Variants in TENT4A observed in about 807,000 individuals in gnomAD.
The protein encoded by TENT4A is terminal nucleotidyltransferase 4A.
Under a neutral mutation model 72.8 loss-of-function variants are expected in TENT4A, and 7 were observed. The observed-to-expected ratio is 0.10, with a 90% CI of 0.05 to 0.18. TENT4A has a LOEUF of 0.18. Among genes scored for constraint, TENT4A ranks in the 10% least tolerant of loss-of-function variants. The pLI is 1.00. For missense variants in TENT4A, 831 were observed against 1,017.7 expected (o/e 0.82, Z 2.50); for synonymous variants, 456 against 434.3 (o/e 1.05, Z -0.62).
At position 6,716,840 on chromosome 5, in the gene TENT4A, T is replaced by C. The variant is rs546028975; in HGVS notation, c.716+2141T>C. ...TACTGCAGTCATGCTCTTGGAACTT[T>C]CCTTTTCCCCTTTGCTGGAGACCTC... On this transcript the variant is annotated intron_variant, in intron 1 of 12. Transcript: ENST00000230859. Among the ~76,000 whole-genome samples, 4 of 152,326 alleles carry C rather than the reference T, an allele frequency of 2.6e-5. No individual in the cohort carries two copies. The East Asian group carries it at 7.7e-4, about 29-fold the overall frequency.
At chr5:6,740,136 G>T (rs1245337531) in intron 4 of TENT4A, among the ~76,000 whole-genome samples, 14 of 152,186 alleles carry the variant, frequency 9.2e-5, no homozygotes, top group Admixed American at 5.2e-4. Context: ...CTTGTGTTAG[G>T]ATGAATAGGA....
At chr5:6,737,758 C>A (rs1000845322) in intron 2 of TENT4A, 125 bp downstream of exon 2, 1 of 1,103,266 alleles carries the variant, frequency 9.1e-7, no homozygotes, top group East Asian at 2.7e-5. Context: ...CAGCAGTTCT[C>A]CAAGTGTGCT....
intron 12 of TENT4A, among the ~76,000 whole-genome samples, chr5:6,753,731 G>T (rs1176188836): frequency 6.6e-6 from 1 of 152,240 alleles, no homozygotes. Flanking sequence ...CTCCTCCTTT[G>T]CTTGTCTAAT....
chr5:6,726,351 T>C (rs274709), intron 1 of TENT4A, among the ~76,000 whole-genome samples: 89,743 of 151,892 alleles, frequency 0.59, 27,276 homozygotes, highest in Middle Eastern at 0.67. Flanking sequence ...ATGCTCATCA[T>C]CAGGAGGCTT....
intron 1 of TENT4A, among the ~76,000 whole-genome samples, chr5:6,729,618 G>A (rs1256818744): frequency 6.6e-6 from 1 of 152,260 alleles, no homozygotes; most frequent in East Asian, 1.9e-4. Context: ...GCACTGCCAG[G>A]CTGGGTGGCA....
At chr5:6,749,817 C>T (rs546691352) in intron 9 of TENT4A, among the ~76,000 whole-genome samples, 160 bp downstream of exon 9, 1 of 152,110 alleles carries the variant, frequency 6.6e-6, no homozygotes, top group African/African-American at 2.4e-5. Flanking sequence ...GCAGCACTGT[C>T]CAGTAGAAGC....
rs1158939557 is a variant in TENT4A, at chr5:6,756,450, A to C, written c.*1505A>C. On this transcript the variant is annotated 3_prime_UTR_variant, in exon 13 of 13. Transcript: ENST00000230859. ...TACTTATTACCATGACATCTGATGCATGTGCAGCAGTGGGGAGTTCTAGAT... is the reference window on the plus strand; with the variant it reads ...TACTTATTACCATGACATCTGATGCCTGTGCAGCAGTGGGGAGTTCTAGAT... 2 of 152,566 alleles carry C rather than the reference A, an allele frequency of 1.3e-5. No homozygotes were observed. Among genetic ancestry groups the C allele is most frequent in the Non-Finnish European group, 2.9e-5 (2 of 68,040 alleles). The allele number at this position is 152,566 out of a possible 1,614,324, so 9.5% of individuals were successfully genotyped here.
At chr5:6,730,094 CG>C (rs1232644391) in intron 1 of TENT4A, among the ~76,000 whole-genome samples, 4 of 97,308 alleles carry the variant, frequency 4.1e-5, no homozygotes, top group Non-Finnish European at 7.6e-5. Context: ...GTTGTTTCTC[CG>C]CCCCCCCCCG....
intron 1 of TENT4A, among the ~76,000 whole-genome samples, chr5:6,717,519 G>T (rs1407665270): frequency 1.3e-5 from 2 of 152,264 alleles, no homozygotes; most frequent in Non-Finnish European, 2.9e-5. Flanking sequence ...GAGACTGCCA[G>T]TCTGCCTTCT....
At position 6,714,551 on chromosome 5, in the gene TENT4A, C is replaced by T; in HGVS notation, c.568C>T (p.Arg190Cys). 2 of 1,197,542 alleles carry T rather than the reference C, an allele frequency of 1.7e-6. No homozygotes were observed. Among genetic ancestry groups the T allele is most frequent in the Non-Finnish European group, 2.1e-6 (2 of 965,804 alleles). The allele number at this position is 1,197,542 out of a possible 1,614,324, so 74.2% of individuals were successfully genotyped here. ...CCAGTTCCACCCGGGTCGCCGGAAA[C>T]GCGAGAACAAGGCCAGCACCTACGG... The part of the protein sequence containing the change: ...QHQFHPGRRK[R>C]ENKASTYGLN... The change falls in exon 1 of 13, where the codon CGC (arginine) becomes TGC (cysteine). Residue 190 changes from arginine (R) to cysteine (C), a missense_variant. Physicochemically the swap from Arg to Cys is radical, Grantham distance 180. Transcript: ENST00000230859.
In TENT4A at chr5:6,754,909, C is replaced by T. The variant is rs1158870604; in HGVS notation, c.2343C>T (p.His781=). 1.3e-6 allele frequency: 2 copies of T among 1,597,892 alleles called. No homozygotes were observed. The highest frequency in any genetic ancestry group is 1.7e-5 in the Admixed American group (1 of 59,586). The change falls in exon 13 of 13, where the codon CAC becomes CAT. Residue 781 remains histidine (H), a synonymous_variant. Coordinates refer to ENST00000230859, the MANE Select transcript of TENT4A (RefSeq NM_006999.6). ...GCTGGAGGAGGAAAAAACACACACA[C>T]ACACGGGACAGTCTGCCCGTGAGCC... is the stretch of plus-strand genomic sequence containing the variant. ...RTGWRRKKHT[H]TRDSLPVSLS... is the part of the protein sequence containing the mutation.
At chr5:6,727,762 T>G (rs1332328903) in intron 1 of TENT4A, among the ~76,000 whole-genome samples, 1 of 152,204 alleles carries the variant, frequency 6.6e-6, no homozygotes, top group African/African-American at 2.4e-5. Flanking sequence ...TGGCTACTTA[T>G]CTTCCCCATC....
intron 1 of TENT4A, among the ~76,000 whole-genome samples, chr5:6,716,887 T>TG (rs948677908): frequency 3.2e-4 from 48 of 152,352 alleles, no homozygotes; most frequent in African/African-American, 1.0e-3. Context: ...CTCTGGGTGG[T>TG]GTGTACCATG....
At chr5:6,750,716 C>T (rs973749535) in intron 10 of TENT4A, 15 of 554,912 alleles carry the variant, frequency 2.7e-5, no homozygotes, top group South Asian at 1.1e-4. Flanking sequence ...GCGACTCATG[C>T]GGCTGTCGAG....
At chr5:6,742,299 G>C (rs550660763) in intron 4 of TENT4A, among the ~76,000 whole-genome samples, 191 bp from the exon 5 acceptor site, 1 of 152,190 alleles carries the variant, frequency 6.6e-6, no homozygotes, top group Non-Finnish European at 1.5e-5. Flanking sequence ...CAGAATGTGG[G>C]TCCTGCTGTG....
At chr5:6,740,714 G>A (rs940453191) in intron 4 of TENT4A, among the ~76,000 whole-genome samples, 1 of 152,248 alleles carries the variant, frequency 6.6e-6, no homozygotes, top group Non-Finnish European at 1.5e-5. Context: ...AAGTGCACAT[G>A]CTCATGTCAC....
intron 1 of TENT4A, among the ~76,000 whole-genome samples, chr5:6,730,601 C>A (rs910499799): frequency 6.6e-6 from 1 of 152,128 alleles, no homozygotes; most frequent in African/African-American, 2.4e-5. Context: ...TCATTCACAG[C>A]CCCTGTGTAG....
Position 6,714,008 on chromosome 5 carries a change from C to A in TENT4A, c.25C>A (p.Gln9Lys). ...GATGGATCCGCGCGTGGCCTGGATC[C>A]AGCCCGAGCAGAAGGGGCCGGCCAA... MDPRVAWI[Q>K]PEQKGPANAL... is the part of the protein sequence containing the mutation. Residue 9 changes from glutamine (Q) to lysine (K), a missense_variant, in exon 1 of 13, where the codon CAG (glutamine) becomes AAG (lysine). By Grantham distance (53) the Gln-to-Lys change is moderately conservative. Coordinates refer to ENST00000230859, the MANE Select transcript of TENT4A (RefSeq NM_006999.6). 1 of 982,898 alleles carries A rather than the reference C, an allele frequency of 1.0e-6. No individual in the cohort carries two copies. Among genetic ancestry groups the A allele is most frequent in the Non-Finnish European group, 1.2e-6 (1 of 829,518 alleles). The allele number at this position is 982,898 out of a possible 1,614,324, so 60.9% of individuals were successfully genotyped here. A position where few individuals can be genotyped will look rare whatever the true frequency, so the allele number is the denominator to read the frequency against.
chr5:6,723,091 T>C (rs1371314938), intron 1 of TENT4A, among the ~76,000 whole-genome samples: 1 of 152,244 alleles, frequency 6.6e-6, no homozygotes, highest in East Asian at 1.9e-4. Context: ...CTGAAATAAA[T>C]TGAAACTCAT....
Sources: gnomAD v4.1 joint callset for allele counts (sites outside exome capture counted in the v4.1 genomes callset) on GRCh38, gnomAD v4.1.1 for gene constraint, MANE v1.5 for transcripts, NCBI Gene and HGNC (gene_info 2026-07-23, HGNC 2026-07-21) for gene names.